DLG5: variants seen among roughly 807,000 people sequenced by gnomAD.
DLG5 encodes the protein discs large MAGUK scaffold protein 5, also known as disks large homolog 5.
A neutral mutation model predicts 189.8 loss-of-function variants in DLG5; 48 were observed. The observed-to-expected ratio is 0.25, with a 90% confidence interval of 0.20 to 0.32. The LOEUF (loss-of-function observed/expected upper bound fraction) is 0.32, where lower values mean the gene tolerates loss of function less well. DLG5 is among the 10% of genes least tolerant of loss of function. DLG5 has a pLI of 1.00. For synonymous variants in DLG5, 1,016 were observed against 1,054.1 expected (o/e 0.96, Z 0.70); for missense variants, 2,160 against 2,544.7 (o/e 0.85, Z 3.25).
At chr10:77,922,906 T>C (rs894262225) in intron 1 of DLG5, among the ~76,000 whole-genome samples, 1 of 152,024 alleles carries the variant, frequency 6.6e-6, no homozygotes, top group African/African-American at 2.4e-5. Context: ...TCAGCAAGAG[T>C]TGCCCCGATG....
At chr10:77,913,067 G>C (rs181990132) in intron 1 of DLG5, among the ~76,000 whole-genome samples, 102 of 152,186 alleles carry the variant, frequency 6.7e-4, no homozygotes, top group African/African-American at 2.3e-3. Flanking sequence ...TAACAAAAAA[G>C]ACCTCATGGC....
At chr10:77,830,483 G>A (rs1445487838) in intron 10 of DLG5, 139 bp from the exon 11 acceptor site, 36 of 1,378,748 alleles carry the variant, frequency 2.6e-5, no homozygotes, top group Non-Finnish European at 3.0e-6. Flanking sequence ...TCCCCAGGAT[G>A]GAAACCTATG....
chr10:77,828,607 C>T (rs955878208), intron 13 of DLG5, among the ~76,000 whole-genome samples: 2 of 151,688 alleles, frequency 1.3e-5, no homozygotes, highest in African/African-American at 2.4e-5. Flanking sequence ...TGCGTCACTG[C>T]ACTCCAGCCT....
In DLG5 at chr10:77,830,729, G is replaced by A. The variant is rs778991548; in HGVS notation, c.1881+12C>T. 6.2e-7 allele frequency: 1 copy of A among 1,606,332 alleles called. No individual in the cohort carries two copies. Among genetic ancestry groups the A allele is most frequent in the South Asian group, 1.1e-5 (1 of 91,038 alleles). ...TCAGAGAAGGAGAGAAGAACCATCAGAGGCAGCTTACCGTCTCCCTCTCGA... is the reference window on the plus strand; with the variant it reads ...TCAGAGAAGGAGAGAAGAACCATCAAAGGCAGCTTACCGTCTCCCTCTCGA... On this transcript the variant is annotated intron_variant, in intron 10 of 31. Coordinates refer to ENST00000372391, the MANE Select transcript of DLG5 (RefSeq NM_004747.4).
intron 1 of DLG5, among the ~76,000 whole-genome samples, chr10:77,875,821 AAAAAG>A (rs1564569092): frequency 1.3e-5 from 2 of 151,938 alleles, no homozygotes; most frequent in Non-Finnish European, 2.9e-5. Flanking sequence ...CAGGGAAAAA[AAAAAG>A]AAAAGAAAAA....
chr10:77,916,739 A>G (rs529846550), intron 1 of DLG5, among the ~76,000 whole-genome samples: 1 of 152,036 alleles, frequency 6.6e-6, no homozygotes, highest in African/African-American at 2.4e-5. Context: ...TTACCATATG[A>G]CCCAGCAAGT....
intron 16 of DLG5, 183 bp from the exon 17 acceptor site, chr10:77,819,648 A>C (rs1842236664): frequency 1.9e-6 from 2 of 1,041,798 alleles, no homozygotes; most frequent in Non-Finnish European, 1.4e-6. Flanking sequence ...ATTTGTAAAA[A>C]GGGGGGAAGT....
the DLG5 span, among the ~76,000 whole-genome samples, chr10:77,936,112 G>A: frequency 0.19 from 28,882 of 152,096 alleles, 3,340 homozygotes; most frequent in South Asian, 0.27. Context: ...GTTAGTTCAG[G>A]AATGGCCCAG....
At chr10:77,830,962 T>C in intron 9 of DLG5, 89 bp from the exon 10 acceptor site, 7 of 1,485,234 alleles carry the variant, frequency 4.7e-6, no homozygotes, top group Non-Finnish European at 6.3e-6. Context: ...GGCAGGCCAT[T>C]TGAAACAGCT....
At chr10:77,880,296 ATACAAAAAT>A (rs1406879099) in intron 1 of DLG5, among the ~76,000 whole-genome samples, 1 of 152,188 alleles carries the variant, frequency 6.6e-6, no homozygotes, top group Non-Finnish European at 1.5e-5. Flanking sequence ...TCTACTAAAA[ATACAAAAAT>A]TAGCCGGCCA....
intron 1 of DLG5, among the ~76,000 whole-genome samples, chr10:77,907,780 AC>A (rs1846108053): frequency 6.6e-6 from 1 of 152,102 alleles, no homozygotes; most frequent in Non-Finnish European, 1.5e-5. Flanking sequence ...CAGGATTCAA[AC>A]CCAGTATCTT....
chr10:77,791,479 C>T lies in DLG5; in HGVS notation c.*961G>A, dbSNP rs1384715445. ...AGTGACAATAACCATTATGCTTCCC[C>T]TAAAAGCTCTCAATTCAATGTCTGA... On this transcript the variant is annotated 3_prime_UTR_variant, in exon 32 of 32. Coordinates refer to ENST00000372391, the MANE Select transcript of DLG5 (RefSeq NM_004747.4). The T allele has an allele frequency of 2.0e-5, 3 of 152,230 alleles. No homozygotes were observed. Among genetic ancestry groups the T allele is most frequent in the African/African-American group, 7.2e-5 (3 of 41,454 alleles). 9.4% of individuals were successfully genotyped at this position (152,230 alleles called of 1,614,324 possible). A position where few individuals can be genotyped will look rare whatever the true frequency, so the allele number is the denominator to read the frequency against.
At chr10:77,900,982 G>C (rs1012653883) in intron 1 of DLG5, among the ~76,000 whole-genome samples, 1 of 148,816 alleles carries the variant, frequency 6.7e-6, no homozygotes, top group African/African-American at 2.5e-5. Flanking sequence ...GGGCATGGTG[G>C]TGCACGCCTA....
At chr10:77,919,584 CTTTTTTTTTT>C (rs71030919) in intron 1 of DLG5, among the ~76,000 whole-genome samples, 1,028 of 67,758 alleles carry the variant, frequency 0.015, 30 homozygotes, top group African/African-American at 0.046. Context: ...CAGTTCAGGG[CTTTTTTTTTT>C]TTTTTTTTTT....
At chr10:77,866,529 G>T (rs780108095) in intron 2 of DLG5, among the ~76,000 whole-genome samples, 1 of 152,204 alleles carries the variant, frequency 6.6e-6, no homozygotes, top group Non-Finnish European at 1.5e-5. Flanking sequence ...GCCACTCACC[G>T]CAGATGGCTA....
intron 31 of DLG5, chr10:77,793,133 G>A (rs1840722367): frequency 6.6e-6 from 1 of 152,320 alleles, no homozygotes; most frequent in African/African-American, 2.4e-5. Flanking sequence ...TTTTATGTCT[G>A]TTGAATCTAA....
intron 1 of DLG5, among the ~76,000 whole-genome samples, chr10:77,907,416 A>T (rs1846098421): frequency 6.6e-6 from 1 of 152,086 alleles, no homozygotes; most frequent in Non-Finnish European, 1.5e-5. Flanking sequence ...CTGTCTCTAT[A>T]AAAAATACAA....
At chr10:77,871,643 A>C (rs926517530) in intron 1 of DLG5, among the ~76,000 whole-genome samples, 1 of 145,000 alleles carries the variant, frequency 6.9e-6, no homozygotes, top group Non-Finnish European at 1.5e-5. Flanking sequence ...CCTGGGTTCA[A>C]GCGATTCTCC....
At chr10:77,836,871 G>T (rs1843164781) in intron 7 of DLG5, among the ~76,000 whole-genome samples, 1 of 150,290 alleles carries the variant, frequency 6.7e-6, no homozygotes, top group African/African-American at 2.5e-5. Flanking sequence ...TGTTTGTTTA[G>T]TTTGCTATTT....
Sources: allele counts gnomAD v4.1 joint callset (sites outside exome capture counted in the v4.1 genomes callset), GRCh38; gene constraint gnomAD v4.1.1; transcripts MANE v1.5; gene names NCBI Gene and HGNC (gene_info 2026-07-23, HGNC 2026-07-21).